Variants in THEM4 observed in about 807,000 individuals in gnomAD.
THEM4 encodes the protein acyl-coenzyme A thioesterase THEM4.
A neutral mutation model predicts 25.0 loss-of-function variants in THEM4; 22 were observed. The ratio of observed to expected loss-of-function variants is 0.88; its 90% confidence interval spans 0.63 to 1.26. The LOEUF (loss-of-function observed/expected upper bound fraction) is 1.26, where lower values mean the gene tolerates loss of function less well. Ranked by LOEUF, THEM4 falls within the 50% of genes most tolerant of loss-of-function variation. The pLI is 0.00. For missense variants in THEM4, 286 were observed against 300.3 expected, an observed-to-expected ratio of 0.95 and a Z score of 0.35; for synonymous variants, 113 against 105.6, an observed-to-expected ratio of 1.07 and a Z score of -0.43.
At chr1:151,885,309 G>C (rs1653942805) in intron 4 of THEM4, among the ~76,000 whole-genome samples, 1 of 151,804 alleles carries the variant, frequency 6.6e-6, no homozygotes, top group Non-Finnish European at 1.5e-5. Flanking sequence ...AGTAAAGTCA[G>C]GGTTTTGCCA....
chr1:151,877,003 G>A lies in THEM4; in HGVS notation c.680C>T (p.Thr227Ile). The A allele has an allele frequency of 6.2e-7, 1 of 1,604,640 alleles. No homozygotes were observed. Among genetic ancestry groups the A allele is most frequent in the Non-Finnish European group, 8.5e-7 (1 of 1,177,110 alleles). Residue 227 changes from threonine (T) to isoleucine (I), a missense_variant and splice_region_variant, in exon 5 of 6, where the codon ACA becomes ATA. Coordinates refer to ENST00000368814, the MANE Select transcript of THEM4 (RefSeq NM_053055.5). The part of the protein sequence containing the change: ...VDEKTLYSEA[T>I]SLFIKLNPAK... Reference sequence around the variant, plus strand: ...AAGAGATAAGACCAGCTTCTTACTTGTCGCCTCTGAGTATAGGGTCTTCTC... The same window carrying A: ...AAGAGATAAGACCAGCTTCTTACTTATCGCCTCTGAGTATAGGGTCTTCTC...
rs186995455 is a variant in THEM4 at position 151,899,363 on chromosome 1, C to T, written c.100-4169G>A. Among the ~76,000 whole-genome samples, 14 of 151,916 alleles carry T rather than the reference C, an allele frequency of 9.2e-5. No individual in the cohort carries two copies. In the East Asian group the frequency reaches 1.7e-3, roughly 19 times the overall value. The stretch of plus-strand genomic sequence containing the variant: ...AAAATTAGCTGGGCATGGTGGCACA[C>T]GCCTGTAGTTCCAGCTACTCGGGAG... On this transcript the variant is annotated intron_variant, in intron 1 of 5. Transcript: ENST00000368814.
At chr1:151,894,918 C>CT (rs35813742) in intron 2 of THEM4, 90 bp downstream of exon 2, 1 of 1,362,050 alleles carries the variant, frequency 7.3e-7, no homozygotes, top group South Asian at 1.2e-5. Context: ...TATATTCTTT[C>CT]TTTTTTTCAG....
In THEM4 at chr1:151,870,882, T is replaced by G. The variant is rs773368477; in HGVS notation, c.*4006A>C. The stretch of plus-strand genomic sequence containing the variant: ...AACAATATATTTCTGTACATGACTC[T>G]CATTTTATTGTTTCTTAGACATTTA... On this transcript the variant is annotated 3_prime_UTR_variant, in exon 6 of 6. Coordinates refer to ENST00000368814, the MANE Select transcript of THEM4 (RefSeq NM_053055.5). Among the ~76,000 whole-genome samples, 33 of 152,360 alleles carry G rather than the reference T, an allele frequency of 2.2e-4. No individual in the cohort carries two copies. The highest frequency in any genetic ancestry group is 4.0e-4 in the Non-Finnish European group (27 of 68,030).
chr1:151,877,271 A>G (rs997392855), intron 4 of THEM4, 146 bp from the exon 5 acceptor site: 2 of 805,186 alleles, frequency 2.5e-6, no homozygotes, highest in African/African-American at 1.8e-5. Context: ...ACATTCCTCA[A>G]GGACTCTGAC....
intron 5 of THEM4, 48 bp from the exon 6 acceptor site, chr1:151,874,976 A>C: frequency 7.1e-7 from 1 of 1,400,418 alleles, no homozygotes; most frequent in Non-Finnish European, 1.0e-6. Flanking sequence ...ACTGACTTCA[A>C]TTTGATGGAC....
intron 1 of THEM4, among the ~76,000 whole-genome samples, chr1:151,899,676 A>G (rs1284471786): frequency 6.6e-6 from 1 of 152,186 alleles, no homozygotes; most frequent in Admixed American, 6.5e-5. Context: ...ACCAAACCTA[A>G]GAATAATTGG....
At chr1:151,876,623 A>AT (rs1045321263) in intron 5 of THEM4, among the ~76,000 whole-genome samples, 4 of 151,586 alleles carry the variant, frequency 2.6e-5, no homozygotes, top group African/African-American at 7.3e-5. Flanking sequence ...AATTTTTTGT[A>AT]TTTTTTGTAG....
chr1:151,909,467 G>A lies in THEM4; in HGVS notation c.-9C>T, dbSNP rs746604108. ...GCGCAGCTCCTCAGCATGGCTCCGGGCCGCGGGGCCGCGCTTGCTCTAGCC... is the reference window on the plus strand; with the variant it reads ...GCGCAGCTCCTCAGCATGGCTCCGGACCGCGGGGCCGCGCTTGCTCTAGCC... On this transcript the variant is annotated 5_prime_UTR_variant, in exon 1 of 6. Coordinates refer to ENST00000368814, the MANE Select transcript of THEM4 (RefSeq NM_053055.5). 8.6e-5 allele frequency: 119 copies of A among 1,379,722 alleles called. No individual in the cohort carries two copies. The highest frequency in any genetic ancestry group is 1.2e-4 in the East Asian group (4 of 32,892). The allele number at this position is 1,379,722 out of a possible 1,614,324, so 85.5% of individuals were successfully genotyped here.
At chr1:151,878,362 T>C (rs1042950850) in intron 4 of THEM4, among the ~76,000 whole-genome samples, 2 of 152,206 alleles carry the variant, frequency 1.3e-5, no homozygotes, top group African/African-American at 4.8e-5. Flanking sequence ...ACTTGTGCTG[T>C]AGCCCTTGGG....
At position 151,895,205 on chromosome 1, in the gene THEM4, GAAGA is replaced by G. The variant is rs1469191495; in HGVS notation, c.100-15_100-12del. On this transcript the variant is annotated splice_polypyrimidine_tract_variant and intron_variant, in intron 1 of 5. Coordinates refer to ENST00000368814, the MANE Select transcript of THEM4 (RefSeq NM_053055.5). ...AGAAGAAAATGACCTCTAAAAGACA[GAAGA>G]AAAAGAAAAGTAAGTAATGGGAGGT... The G allele has an allele frequency of 6.3e-7, 1 of 1,588,354 alleles. No individual in the cohort carries two copies. Among genetic ancestry groups the G allele is most frequent in the Admixed American group, 1.9e-5 (1 of 51,388 alleles).
intron 1 of THEM4, among the ~76,000 whole-genome samples, chr1:151,907,160 C>T (rs1654488397): frequency 6.6e-6 from 1 of 152,056 alleles, no homozygotes; most frequent in Admixed American, 6.5e-5. Flanking sequence ...CAACTCCAGA[C>T]GTGCTGCCTT....
intron 4 of THEM4, among the ~76,000 whole-genome samples, chr1:151,882,687 C>A (rs1006359888): frequency 4.6e-5 from 7 of 152,160 alleles, no homozygotes; most frequent in Non-Finnish European, 7.3e-5. Context: ...CAACACCGCA[C>A]TAGAACAATG....
At chr1:151,887,097 C>G (rs1653987470) in intron 4 of THEM4, among the ~76,000 whole-genome samples, 1 of 152,150 alleles carries the variant, frequency 6.6e-6, no homozygotes, top group Non-Finnish European at 1.5e-5. Context: ...AGTTGCATTT[C>G]TATACACAAA....
At chr1:151,886,631 C>G (rs1653977501) in intron 4 of THEM4, among the ~76,000 whole-genome samples, 1 of 152,072 alleles carries the variant, frequency 6.6e-6, no homozygotes, top group Non-Finnish European at 1.5e-5. Context: ...AATATGTCAA[C>G]TTTCCCCAAA....
intron 5 of THEM4, among the ~76,000 whole-genome samples, chr1:151,876,561 T>C (rs1291507174): frequency 6.6e-6 from 1 of 151,486 alleles, no homozygotes; most frequent in Non-Finnish European, 1.5e-5. Flanking sequence ...GAGCCTCCCA[T>C]CTCAGCCTCC....
chr1:151,892,918 G>A (rs1317089388), intron 2 of THEM4, among the ~76,000 whole-genome samples: 1 of 152,204 alleles, frequency 6.6e-6, no homozygotes, highest in Admixed American at 6.5e-5. Context: ...GCCAGCCCAA[G>A]AAACTGAAAA....
intron 4 of THEM4, among the ~76,000 whole-genome samples, chr1:151,883,713 C>A (rs1653897659): frequency 6.6e-6 from 1 of 150,910 alleles, no homozygotes; most frequent in Non-Finnish European, 1.5e-5. Context: ...CGGCTCATTG[C>A]AACCTCCCAG....
At chr1:151,892,221 G>C (rs1434336526) in intron 2 of THEM4, among the ~76,000 whole-genome samples, 1 of 152,144 alleles carries the variant, frequency 6.6e-6, no homozygotes, top group Admixed American at 6.5e-5. Flanking sequence ...CAAAATGTAG[G>C]AATGGAACCC....
Sources: gnomAD v4.1 joint callset for allele counts (sites outside exome capture counted in the v4.1 genomes callset) on GRCh38, gnomAD v4.1.1 for gene constraint, MANE v1.5 for transcripts, NCBI Gene and HGNC (gene_info 2026-07-23, HGNC 2026-07-21) for gene names.